HACD2: variants seen among roughly 807,000 people sequenced by gnomAD.
The protein encoded by HACD2 is 3-hydroxyacyl-CoA dehydratase 2.
A neutral mutation model predicts 31.0 loss-of-function variants in HACD2; 15 were observed. The observed-to-expected ratio is 0.48, with a 90% confidence interval of 0.32 to 0.75. HACD2 has a LOEUF of 0.75. Among genes scored for constraint, HACD2 ranks in the 30% least tolerant of loss-of-function variants. The pLI is 0.03. For synonymous variants in HACD2, 115 were observed against 122.2 expected (o/e 0.94, Z 0.39); for missense variants, 283 against 313.0 (o/e 0.90, Z 0.72).
Position 123,563,700 on chromosome 3 carries a change from G to A in HACD2, c.292+4062C>T, listed in dbSNP as rs1310888509. On this transcript the variant is annotated intron_variant, in intron 3 of 6. Coordinates refer to ENST00000383657, the MANE Select transcript of HACD2 (RefSeq NM_198402.5). ...ACACACTTATGGTGTACAACGTGAT[G>A]TTATGAAATATGAATATACTGTGGA... Among the ~76,000 whole-genome samples, 6 of 151,588 alleles carry A rather than the reference G, an allele frequency of 4.0e-5. No individual in the cohort carries two copies. In the East Asian group the frequency reaches 1.2e-3, roughly 29 times the overall value.
At chr3:123,522,144 A>AAAAT (rs968593505) in intron 4 of HACD2, among the ~76,000 whole-genome samples, 6 of 152,002 alleles carry the variant, frequency 3.9e-5, no homozygotes, top group Admixed American at 2.6e-4. Flanking sequence ...TGCCTCTACA[A>AAAAT]AAATAAATAA....
At chr3:123,582,395 C>T in intron 1 of HACD2, 66 bp from the exon 2 acceptor site, 1 of 1,080,300 alleles carries the variant, frequency 9.3e-7, no homozygotes, top group South Asian at 1.6e-5. Flanking sequence ...TAGGTTAACA[C>T]ACAGCTGTGG....
chr3:123,494,617 C>T lies in HACD2; in HGVS notation c.*271G>A, dbSNP rs1158492367. The T allele has an allele frequency of 4.3e-6, 2 of 461,112 alleles. No homozygotes were observed. Among genetic ancestry groups the T allele is most frequent in the African/African-American group, 4.0e-5 (2 of 49,568 alleles). 28.6% of individuals were successfully genotyped at this position (461,112 alleles called of 1,614,324 possible). ...AAGGACACAGAAGGACATAAAATGC[C>T]AAATCCCTTTCTAGTGCCATCATAA... On this transcript the variant is annotated 3_prime_UTR_variant, in exon 7 of 7. Transcript: ENST00000383657.
intron 2 of HACD2, among the ~76,000 whole-genome samples, chr3:123,570,465 A>T (rs1230985222): frequency 6.6e-6 from 1 of 152,208 alleles, no homozygotes; most frequent in Admixed American, 6.5e-5. Context: ...TAATACTTGG[A>T]AAAAAGAGTA....
chr3:123,564,179 T>A (rs540334935), intron 3 of HACD2, among the ~76,000 whole-genome samples: 1 of 152,198 alleles, frequency 6.6e-6, no homozygotes, highest in Admixed American at 6.5e-5. Flanking sequence ...GGAGTGTGGG[T>A]CATGCTGAGG....
intron 3 of HACD2, among the ~76,000 whole-genome samples, chr3:123,560,994 T>C (rs578241602): frequency 6.6e-6 from 1 of 152,258 alleles, no homozygotes; most frequent in East Asian, 1.9e-4. Flanking sequence ...GTGGGTTCTG[T>C]GTCTGGTTTT....
intron 2 of HACD2, among the ~76,000 whole-genome samples, chr3:123,581,428 C>T (rs1284280734): frequency 1.3e-5 from 2 of 152,132 alleles, no homozygotes; most frequent in African/African-American, 2.4e-5. Flanking sequence ...TAAGTAGGGC[C>T]AACCAGAATC....
At chr3:123,509,799 T>C (rs2056033599) in intron 4 of HACD2, among the ~76,000 whole-genome samples, 1 of 152,118 alleles carries the variant, frequency 6.6e-6, no homozygotes. Flanking sequence ...ACCTGGCCCC[T>C]GTGACTTCTT....
chr3:123,513,424 A>C (rs2056088767), intron 4 of HACD2, among the ~76,000 whole-genome samples: 1 of 152,256 alleles, frequency 6.6e-6, no homozygotes. Flanking sequence ...TAACAGGAGC[A>C]GGTGACAGAG....
At chr3:123,570,725 G>A (rs548283799) in intron 2 of HACD2, among the ~76,000 whole-genome samples, 9 of 152,102 alleles carry the variant, frequency 5.9e-5, no homozygotes, top group East Asian at 3.9e-4. Flanking sequence ...ATCAGTGTAC[G>A]GTCTGTAAAA....
chr3:123,507,648 C>T (rs2055993973), intron 4 of HACD2, among the ~76,000 whole-genome samples: 1 of 152,092 alleles, frequency 6.6e-6, no homozygotes, highest in Non-Finnish European at 1.5e-5. Flanking sequence ...CCATGATGTG[C>T]TTATTTCACA....
chr3:123,496,846 C>T (rs1371710364), intron 6 of HACD2, among the ~76,000 whole-genome samples: 1 of 152,220 alleles, frequency 6.6e-6, no homozygotes, highest in Non-Finnish European at 1.5e-5. Flanking sequence ...TGCAGTCTCA[C>T]AGCTGGTTCA....
rs1321120327 is a variant in HACD2 at position 123,494,590 on chromosome 3, T to G, written c.*298A>C. 2.5e-6 allele frequency: 1 copy of G among 407,930 alleles called. No individual in the cohort carries two copies. The highest frequency in any genetic ancestry group is 4.4e-6 in the Non-Finnish European group (1 of 225,844). 25.3% of individuals were successfully genotyped at this position (407,930 alleles called of 1,614,324 possible). ...TACAGGTCTTCATTGATCAGATACA[T>G]GAAGGACACAGAAGGACATAAAATG... On this transcript the variant is annotated 3_prime_UTR_variant, in exon 7 of 7. Coordinates refer to ENST00000383657, the MANE Select transcript of HACD2 (RefSeq NM_198402.5).
chr3:123,522,468 A>G (rs529091294), intron 4 of HACD2, among the ~76,000 whole-genome samples: 8 of 152,314 alleles, frequency 5.3e-5, no homozygotes, highest in Non-Finnish European at 1.0e-4. Context: ...ACAGGCAGAA[A>G]AACACTGAGA....
chr3:123,577,620 C>CAAA (rs35024817), intron 2 of HACD2, among the ~76,000 whole-genome samples: 7 of 90,440 alleles, frequency 7.7e-5, no homozygotes, highest in African/African-American at 1.6e-4. Flanking sequence ...GACTCTGTCT[C>CAAA]AAAAAAAAAA....
In HACD2 at chr3:123,569,988, C is replaced by CAAAAAAAAA. The variant is rs55844728; in HGVS notation, c.274-2217_274-2209dup. Among the ~76,000 whole-genome samples, 23 of 38,714 alleles carry CAAAAAAAAA rather than the reference C, an allele frequency of 5.9e-4. 6 individuals are homozygous for CAAAAAAAAA. The highest frequency in any genetic ancestry group is 7.9e-4 in the Non-Finnish European group (16 of 20,224). 25.4% of individuals were successfully genotyped at this position (38,714 alleles called of 152,430 possible). A position where few individuals can be genotyped will look rare whatever the true frequency, so the allele number is the denominator to read the frequency against. On this transcript the variant is annotated intron_variant, in intron 2 of 6. Transcript: ENST00000383657. Reference sequence around the variant, plus strand: ...TGGGCGAGAGAGCAACACTCCATCTCAAAAAAAAAAAAAAAAAAAAAAAAA... The same window carrying CAAAAAAAAA: ...TGGGCGAGAGAGCAACACTCCATCTCAAAAAAAAAAAAAAAAAAAAAAAAAAAAAAAAAA...
chr3:123,497,557 C>T (rs987535957), intron 6 of HACD2, among the ~76,000 whole-genome samples: 3 of 152,190 alleles, frequency 2.0e-5, no homozygotes, highest in Non-Finnish European at 4.4e-5. Context: ...ACCTGGAAAG[C>T]GCCAGCTTCT....
intron 4 of HACD2, among the ~76,000 whole-genome samples, chr3:123,507,246 C>T (rs1001541810): frequency 3.9e-5 from 6 of 152,012 alleles, no homozygotes; most frequent in Non-Finnish European, 7.4e-5. Context: ...CGAGCAAGAC[C>T]CTGTCTCTTA....
intron 3 of HACD2, among the ~76,000 whole-genome samples, chr3:123,532,692 C>T (rs1452099707): frequency 2.6e-5 from 4 of 151,980 alleles, no homozygotes; most frequent in East Asian, 1.9e-4. Flanking sequence ...AAAAATTAGC[C>T]GGGCGTGGTG....
Sources: allele counts gnomAD v4.1 joint callset (sites outside exome capture counted in the v4.1 genomes callset), GRCh38; gene constraint gnomAD v4.1.1; transcripts MANE v1.5; gene names NCBI Gene and HGNC (gene_info 2026-07-23, HGNC 2026-07-21).